Variants in RCOR1 observed in about 807,000 individuals in gnomAD.
The protein encoded by RCOR1 is REST corepressor.
RCOR1 carries 12 observed loss-of-function variants against 64.0 expected under a neutral mutation model. The ratio of observed to expected loss-of-function variants is 0.19; its 90% CI spans 0.12 to 0.30. The LOEUF is 0.30. Among genes scored for constraint, RCOR1 ranks in the 10% least tolerant of loss-of-function variants. The pLI, the probability that RCOR1 is intolerant of heterozygous loss-of-function variation, is 1.00. For missense variants in RCOR1, 502 were observed against 621.2 expected (o/e 0.81, Z 2.04); for synonymous variants, 279 against 227.2 (o/e 1.23, Z -2.05).
At position 102,729,235 on chromosome 14, in the gene RCOR1, A is replaced by G. The variant is rs1024278039; in HGVS notation, c.*2729A>G. The G allele has an allele frequency of 2.0e-5, 3 of 152,684 alleles. No homozygotes were observed. The highest frequency in any genetic ancestry group is 7.2e-5 in the African/African-American group (3 of 41,464). 9.5% of individuals were successfully genotyped at this position (152,684 alleles called of 1,614,324 possible). On this transcript the variant is annotated 3_prime_UTR_variant, in exon 12 of 12. Coordinates refer to ENST00000262241, the MANE Select transcript of RCOR1 (RefSeq NM_015156.4). ...ATATAAATTGTATTGCATATGCATT[A>G]AAAGTTTGTTTTATTTAATTTTATG...
chr14:102,654,563 C>G (rs972700760), intron 2 of RCOR1, among the ~76,000 whole-genome samples: 10 of 151,908 alleles, frequency 6.6e-5, no homozygotes, highest in Non-Finnish European at 1.5e-4. Context: ...TAAGTCTGAT[C>G]TTTGTAATTT....
intron 4 of RCOR1, among the ~76,000 whole-genome samples, chr14:102,702,305 C>G (rs971524770): frequency 6.6e-6 from 1 of 151,992 alleles, no homozygotes; most frequent in Non-Finnish European, 1.5e-5. Context: ...GGATGGTAGT[C>G]TTGATCATTT....
chr14:102,626,792 T>C (rs1893991228), intron 2 of RCOR1, among the ~76,000 whole-genome samples: 1 of 152,224 alleles, frequency 6.6e-6, no homozygotes, highest in Admixed American at 6.5e-5. Context: ...CTTGTGCTGC[T>C]GAGCCTGCTT....
chr14:102,630,039 T>C lies in RCOR1; in HGVS notation c.361+36714T>C, dbSNP rs1345403817. 3.1e-6 allele frequency: 3 copies of C among 957,998 alleles called. No homozygotes were observed. The African/African-American group carries it at 5.3e-5, about 17-fold the overall frequency. The allele number at this position is 957,998 out of a possible 1,614,324, so 59.3% of individuals were successfully genotyped here. A position where few individuals can be genotyped will look rare whatever the true frequency, so the allele number is the denominator to read the frequency against. On this transcript the variant is annotated intron_variant, in intron 2 of 11. Coordinates refer to ENST00000262241, the MANE Select transcript of RCOR1 (RefSeq NM_015156.4). ...CTTGGGCAGATTACTTAACCACTGC[T>C]ATAGTTTGGATGTGGTTTGTCCTTA...
chr14:102,723,058 G>A (rs933233704), intron 11 of RCOR1, among the ~76,000 whole-genome samples: 1 of 152,236 alleles, frequency 6.6e-6, no homozygotes, highest in South Asian at 2.1e-4. Context: ...AGCCTGGCCT[G>A]CCTTGCTGTT....
intron 2 of RCOR1, among the ~76,000 whole-genome samples, chr14:102,597,061 C>T (rs1209543342): frequency 2.0e-5 from 3 of 146,734 alleles, no homozygotes; most frequent in Non-Finnish European, 3.0e-5. Flanking sequence ...TTAGTAGAGA[C>T]GGGGTTTCAC....
chr14:102,722,236 G>C lies in RCOR1; in HGVS notation c.1239G>C (p.Gly413=). 2 of 1,614,154 alleles carry C rather than the reference G, an allele frequency of 1.2e-6. No homozygotes were observed. Among genetic ancestry groups the C allele is most frequent in the Non-Finnish European group, 1.7e-6 (2 of 1,180,020 alleles). ...RDFQAISDVI[G]NKSVVQVKNF... ...TTCAGGCAATCTCAGACGTGATTGG[G>C]AACAAATCAGTGGTACAAGTGAAAA... The change falls in exon 11 of 12, where the codon GGG becomes GGC. Residue 413 remains glycine (G), a synonymous_variant. Transcript: ENST00000262241.
intron 3 of RCOR1, among the ~76,000 whole-genome samples, chr14:102,689,127 C>T (rs1403521578): frequency 4.6e-5 from 7 of 152,202 alleles, no homozygotes; most frequent in East Asian, 1.9e-4. Flanking sequence ...ACAAAGTGGG[C>T]GTATTAGAGT....
chr14:102,614,809 CAAAAAT>C (rs879699097), intron 2 of RCOR1, among the ~76,000 whole-genome samples: 9 of 150,936 alleles, frequency 6.0e-5, no homozygotes, highest in South Asian at 2.1e-4. Context: ...ATATAAAAAA[CAAAAAT>C]AAAAATAATT....
At chr14:102,624,549 T>C (rs1291783120) in intron 2 of RCOR1, among the ~76,000 whole-genome samples, 1 of 151,916 alleles carries the variant, frequency 6.6e-6, no homozygotes, top group Non-Finnish European at 1.5e-5. Flanking sequence ...ATAGATCGCT[T>C]GAGCCCAGGA....
intron 2 of RCOR1, among the ~76,000 whole-genome samples, chr14:102,673,822 T>C (rs967863052): frequency 6.7e-6 from 1 of 150,368 alleles, no homozygotes; most frequent in Non-Finnish European, 1.5e-5. Context: ...TCCATGTTGC[T>C]CAGGCTGGTC....
chr14:102,723,384 G>A (rs1419994592), intron 11 of RCOR1, among the ~76,000 whole-genome samples: 3 of 152,266 alleles, frequency 2.0e-5, no homozygotes, highest in South Asian at 4.1e-4. Flanking sequence ...GCGTGGTGCC[G>A]CCACTCCATG....
At position 102,592,727 on chromosome 14, in the gene RCOR1, C is replaced by T. The variant is rs1893152152; in HGVS notation, c.-160C>T. ...GCTGGGGGCTTGAAGCGGCTCCGCG[C>T]TCTGCCCGTTTGGGCCTCCCCCGAC... On this transcript the variant is annotated 5_prime_UTR_variant, in exon 1 of 12. Transcript: ENST00000262241. The T allele has an allele frequency of 8.2e-7, 1 of 1,225,050 alleles. No homozygotes were observed. 75.9% of individuals were successfully genotyped at this position (1,225,050 alleles called of 1,614,324 possible).
At chr14:102,646,910 A>G (rs1894487519) in intron 2 of RCOR1, among the ~76,000 whole-genome samples, 2 of 152,230 alleles carry the variant, frequency 1.3e-5, no homozygotes, top group Non-Finnish European at 2.9e-5. Flanking sequence ...CAATTATGAT[A>G]TAATATTAGT....
At chr14:102,624,403 G>A (rs1237709280) in intron 2 of RCOR1, among the ~76,000 whole-genome samples, 1 of 151,738 alleles carries the variant, frequency 6.6e-6, no homozygotes, top group Non-Finnish European at 1.5e-5. Flanking sequence ...CTACTTGGGA[G>A]GCTTAGGCAG....
At position 102,726,721 on chromosome 14, in the gene RCOR1, A is replaced by C. The variant is rs147934723; in HGVS notation, c.*215A>C. The C allele has an allele frequency of 2.6e-3, 1,402 of 549,668 alleles. 9 individuals carry two copies. Among genetic ancestry groups the C allele is most frequent in the Middle Eastern group, 0.014 (33 of 2,398 alleles). 34.0% of individuals were successfully genotyped at this position (549,668 alleles called of 1,614,324 possible). ...TTCCCAGAGAGCTCCACTGCATCTC[A>C]CACTCTGCCCACGTGCTGGGGAAGT... On this transcript the variant is annotated 3_prime_UTR_variant, in exon 12 of 12. Coordinates refer to ENST00000262241, the MANE Select transcript of RCOR1 (RefSeq NM_015156.4).
intron 3 of RCOR1, among the ~76,000 whole-genome samples, chr14:102,689,818 A>G (rs903269507): frequency 1.1e-4 from 17 of 152,168 alleles, no homozygotes; most frequent in Admixed American, 6.5e-5. Flanking sequence ...ATCTCAGCTC[A>G]CTGCAACCTC....
intron 2 of RCOR1, among the ~76,000 whole-genome samples, chr14:102,673,174 CTAAT>C (rs1895062853): frequency 6.6e-6 from 1 of 152,162 alleles, no homozygotes; most frequent in African/African-American, 2.4e-5. Flanking sequence ...TACCCCATAA[CTAAT>C]AGTACCAATT....
At chr14:102,673,260 A>G (rs1895065052) in intron 2 of RCOR1, among the ~76,000 whole-genome samples, 1 of 151,724 alleles carries the variant, frequency 6.6e-6, no homozygotes, top group African/African-American at 2.4e-5. Context: ...AAACTGGTTG[A>G]TAGCTGTAGA....
Sources: gnomAD v4.1 joint callset for allele counts (sites outside exome capture counted in the v4.1 genomes callset) on GRCh38, gnomAD v4.1.1 for gene constraint, MANE v1.5 for transcripts, NCBI Gene and HGNC (gene_info 2026-07-23, HGNC 2026-07-21) for gene names.